Variants in TNR observed in about 807,000 individuals in gnomAD.
TNR encodes tenascin-R.
A neutral mutation model predicts 150.4 loss-of-function variants in TNR; 45 were observed. The observed-to-expected ratio is 0.30, with a 90% CI of 0.24 to 0.38. The LOEUF (loss-of-function observed/expected upper bound fraction) is 0.38, where lower values mean the gene tolerates loss of function less well. TNR is among the 10% of genes least tolerant of loss of function. The pLI is 1.00. For missense variants in TNR, 1,544 were observed against 1,759.1 expected (o/e 0.88, Z 2.19); for synonymous variants, 687 against 678.4 (o/e 1.01, Z -0.20).
intron 1 of TNR, among the ~76,000 whole-genome samples, chr1:175,603,852 C>A (rs2101849404): frequency 6.6e-6 from 1 of 152,342 alleles, no homozygotes; most frequent in South Asian, 2.1e-4. Context: ...GTTATCTATC[C>A]CCTGTCCATG....
At chr1:175,462,570 C>T (rs765183520) in intron 2 of TNR, among the ~76,000 whole-genome samples, 8 of 152,136 alleles carry the variant, frequency 5.3e-5, no homozygotes, top group South Asian at 2.1e-4. Context: ...TGGCAGCAGC[C>T]GACACTCTGA....
chr1:175,364,889 T>C (rs1158619726), intron 12 of TNR, 121 bp downstream of exon 12: 1 of 1,271,280 alleles, frequency 7.9e-7, no homozygotes, highest in African/African-American at 1.5e-5. Flanking sequence ...TCACAGACTT[T>C]CTCTAGCCAT....
At chr1:175,484,933 A>G (rs1657950099) in intron 2 of TNR, among the ~76,000 whole-genome samples, 1 of 152,218 alleles carries the variant, frequency 6.6e-6, no homozygotes, top group East Asian at 1.9e-4. Context: ...ATCAGAAGGC[A>G]GAAAAATAAT....
At chr1:175,373,935 G>A (rs1481018057) in intron 9 of TNR, among the ~76,000 whole-genome samples, 2 of 152,092 alleles carry the variant, frequency 1.3e-5, no homozygotes, top group African/African-American at 2.4e-5. Context: ...CCAGCTTCCC[G>A]CCCCTGGAAG....
intron 1 of TNR, among the ~76,000 whole-genome samples, chr1:175,725,608 C>T (rs1191319208): frequency 6.6e-6 from 1 of 152,052 alleles, no homozygotes; most frequent in Non-Finnish European, 1.5e-5. Flanking sequence ...AATAAAGGAT[C>T]ACAATTTGGG....
intron 1 of TNR, among the ~76,000 whole-genome samples, chr1:175,659,758 TCACAGAGAC>T (rs1665304232): frequency 6.6e-6 from 1 of 152,094 alleles, no homozygotes; most frequent in African/African-American, 2.4e-5. Context: ...AGAGGACTGC[TCACAGAGAC>T]CACAGCTGCA....
intron 1 of TNR, among the ~76,000 whole-genome samples, chr1:175,739,192 T>G (rs1242934899): frequency 6.6e-6 from 1 of 152,080 alleles, no homozygotes; most frequent in East Asian, 1.9e-4. Flanking sequence ...TGGAAGAAGG[T>G]GTTATAATAA....
At chr1:175,501,501 C>T (rs1351194567) in intron 2 of TNR, among the ~76,000 whole-genome samples, 1 of 152,178 alleles carries the variant, frequency 6.6e-6, no homozygotes, top group Non-Finnish European at 1.5e-5. Flanking sequence ...TGATTGCAGC[C>T]TTGTGAGGCC....
chr1:175,381,015 T>C (rs1652650338), intron 8 of TNR, among the ~76,000 whole-genome samples: 1 of 152,186 alleles, frequency 6.6e-6, no homozygotes. Flanking sequence ...GCGATGTAAA[T>C]TGGGTGAATC....
intron 2 of TNR, among the ~76,000 whole-genome samples, chr1:175,425,750 T>C (rs1557926108): frequency 1.3e-5 from 2 of 152,206 alleles, no homozygotes. Context: ...GTAGCATTTT[T>C]TTTTCAACAT....
chr1:175,414,287 A>G (rs1032246053), intron 2 of TNR, among the ~76,000 whole-genome samples: 9 of 152,102 alleles, frequency 5.9e-5, no homozygotes, highest in African/African-American at 2.4e-5. Flanking sequence ...GAAGGAAGAA[A>G]AAAAAAAGAG....
intron 2 of TNR, among the ~76,000 whole-genome samples, chr1:175,430,374 T>G (rs1027529500): frequency 7.9e-5 from 12 of 152,162 alleles, no homozygotes; most frequent in African/African-American, 2.9e-4. Flanking sequence ...AAGTCAGGCA[T>G]CCTGTAATCA....
Position 175,379,568 on chromosome 1 carries a change from G to A in TNR, c.1947C>T (p.Thr649=). The change falls in exon 9 of 23, where the codon ACC becomes ACT. Residue 649 remains threonine, a synonymous_variant. Transcript: ENST00000367674. ...CTTACTCACCTGTCAGGGTGGCCCTGGTGGTTGGACCAATGCCCCTGGGGA... is the reference window on the plus strand; with the variant it reads ...CTTACTCACCTGTCAGGGTGGCCCTAGTGGTTGGACCAATGCCCCTGGGGA... ...VLVPRGIGPT[T]RATLTDLVPG... The A allele has an allele frequency of 6.2e-7, 1 of 1,613,412 alleles. No individual in the cohort carries two copies. The highest frequency in any genetic ancestry group is 8.5e-7 in the Non-Finnish European group (1 of 1,179,930).
intron 2 of TNR, among the ~76,000 whole-genome samples, chr1:175,433,631 T>C (rs1655370520): frequency 6.6e-6 from 1 of 152,206 alleles, no homozygotes; most frequent in Non-Finnish European, 1.5e-5. Flanking sequence ...ATTTATGAGA[T>C]GCCTTTGACT....
At chr1:175,456,862 C>G (rs917585800) in intron 2 of TNR, among the ~76,000 whole-genome samples, 1 of 152,034 alleles carries the variant, frequency 6.6e-6, no homozygotes, top group Non-Finnish European at 1.5e-5. Flanking sequence ...GCCAAGAAAA[C>G]CGGAGGTCAG....
intron 2 of TNR, among the ~76,000 whole-genome samples, chr1:175,411,841 C>T (rs774232936): frequency 4.6e-5 from 7 of 151,980 alleles, no homozygotes; most frequent in East Asian, 3.9e-4. Flanking sequence ...CTTTGGAAAG[C>T]GGGGACACAA....
At chr1:175,330,998 A>ATTCG (rs1649722866) in intron 20 of TNR, among the ~76,000 whole-genome samples, 1 of 72,768 alleles carries the variant, frequency 1.4e-5, no homozygotes, top group Admixed American at 1.3e-4. Flanking sequence ...CCTCTTGGTG[A>ATTCG]TTCTTTCTTT....
chr1:175,336,296 A>C (rs1195909387), intron 19 of TNR, among the ~76,000 whole-genome samples: 1 of 152,232 alleles, frequency 6.6e-6, no homozygotes, highest in Admixed American at 6.5e-5. Flanking sequence ...TGCTTATTTT[A>C]TTTAGCCTCC....
intron 1 of TNR, among the ~76,000 whole-genome samples, chr1:175,724,549 G>A (rs1161473220): frequency 6.6e-6 from 1 of 152,094 alleles, no homozygotes; most frequent in Non-Finnish European, 1.5e-5. Context: ...ACACAGATCC[G>A]AACCATATCA....
Sources: gnomAD v4.1 joint callset for allele counts (sites outside exome capture counted in the v4.1 genomes callset) on GRCh38, gnomAD v4.1.1 for gene constraint, MANE v1.5 for transcripts, NCBI Gene and HGNC (gene_info 2026-07-23, HGNC 2026-07-21) for gene names.